SLIT3: variants seen among roughly 807,000 people sequenced by gnomAD.
The protein encoded by SLIT3 is slit guidance ligand 3, also known as slit homolog 3 protein.
Under a neutral mutation model 184.0 loss-of-function variants are expected in SLIT3, and 68 were observed. The ratio of observed to expected loss-of-function variants is 0.37; its 90% CI spans 0.30 to 0.45. SLIT3 has a LOEUF of 0.45. SLIT3 is among the 20% of genes least tolerant of loss of function. The pLI, the probability that SLIT3 is intolerant of heterozygous loss-of-function variation, is 1.00. For synonymous variants in SLIT3, 831 were observed against 828.6 expected, an observed-to-expected ratio of 1.00 and a Z score of -0.05; for missense variants, 1,707 against 2,026.0, an observed-to-expected ratio of 0.84 and a Z score of 3.02.
intron 3 of SLIT3, among the ~76,000 whole-genome samples, chr5:169,230,995 C>A (rs1452119797): frequency 2.0e-5 from 3 of 152,074 alleles, no homozygotes; most frequent in Non-Finnish European, 2.9e-5. Flanking sequence ...ATTTACTGAA[C>A]CATTTTAAAG....
intron 1 of SLIT3, among the ~76,000 whole-genome samples, chr5:169,284,900 C>T (rs1280038319): frequency 6.6e-6 from 1 of 151,956 alleles, no homozygotes; most frequent in Non-Finnish European, 1.5e-5. Context: ...TCAAAGGGCA[C>T]ATTTTGAACA....
chr5:169,067,439 A>C (rs1273391541), intron 4 of SLIT3, among the ~76,000 whole-genome samples: 2 of 152,134 alleles, frequency 1.3e-5, no homozygotes, highest in Non-Finnish European at 2.9e-5. Flanking sequence ...AAAAGAATGA[A>C]GAATAATTAC....
chr5:168,788,950 C>T (rs545366461), intron 11 of SLIT3, among the ~76,000 whole-genome samples: 9 of 152,132 alleles, frequency 5.9e-5, no homozygotes, highest in Non-Finnish European at 1.0e-4. Context: ...CTATGCCACA[C>T]ATGAGTGACT....
At chr5:168,744,565 C>A (rs1380653683) in intron 20 of SLIT3, among the ~76,000 whole-genome samples, 3 of 152,172 alleles carry the variant, frequency 2.0e-5, no homozygotes, top group Non-Finnish European at 4.4e-5. Context: ...TTAGGGGCCA[C>A]TGCTGATGGT....
In SLIT3 at chr5:169,110,914, TG is replaced by T. The variant is rs371324140; in HGVS notation, c.413+82564del. ...TGGAAACCTTCCAGTGCACATCCAG[TG>T]GGTGAAGACCGAGCTCTGTAACATG... On this transcript the variant is annotated intron_variant, in intron 4 of 35. Transcript: ENST00000519560. Among the ~76,000 whole-genome samples the T allele has an allele frequency of 2.8e-3, 432 of 152,308 alleles. 7 individuals carry two copies. In the South Asian group the frequency reaches 0.029, roughly 10 times the overall value.
chr5:169,122,078 A>G (rs1219898158), intron 4 of SLIT3, among the ~76,000 whole-genome samples: 1 of 152,218 alleles, frequency 6.6e-6, no homozygotes, highest in Non-Finnish European at 1.5e-5. Flanking sequence ...GGAGTTGGCC[A>G]GCTTGGCCCC....
intron 4 of SLIT3, among the ~76,000 whole-genome samples, chr5:169,074,578 C>T (rs987467359): frequency 2.0e-5 from 3 of 152,112 alleles, no homozygotes; most frequent in South Asian, 2.1e-4. Flanking sequence ...AGTAAAAGCT[C>T]GGAGAGGTGA....
rs574239545 is a variant in SLIT3, at chr5:169,016,454, G to A, written c.414-133118C>T. On this transcript the variant is annotated intron_variant, in intron 4 of 35. Transcript: ENST00000519560. The stretch of plus-strand genomic sequence containing the variant: ...TGAACCAGAAAGCCTTCCTAGGAAT[G>A]GGGATATAATATGCAAGTTTATAAA... Among the ~76,000 whole-genome samples, 147 of 152,276 alleles carry A rather than the reference G, an allele frequency of 9.7e-4. 1 individual carries two copies. Among genetic ancestry groups the A allele is most frequent in the Non-Finnish European group, 1.5e-3 (104 of 68,020 alleles).
intron 3 of SLIT3, among the ~76,000 whole-genome samples, chr5:169,213,104 T>A (rs905066746): frequency 1.3e-5 from 2 of 152,114 alleles, no homozygotes; most frequent in Non-Finnish European, 2.9e-5. Context: ...CTGAAGCAAC[T>A]TCAGTAAAGT....
intron 1 of SLIT3, among the ~76,000 whole-genome samples, chr5:169,275,462 C>T (rs545783497): frequency 6.6e-5 from 10 of 152,138 alleles, no homozygotes; most frequent in African/African-American, 9.7e-5. Context: ...GTCCTGATGT[C>T]GCTGTGTCAC....
At chr5:169,036,549 C>T (rs987010449) in intron 4 of SLIT3, 3 of 152,300 alleles carry the variant, frequency 2.0e-5, no homozygotes, top group East Asian at 3.9e-4. Flanking sequence ...AAACGCACAG[C>T]ATTTAATTTC....
intron 9 of SLIT3, among the ~76,000 whole-genome samples, chr5:168,801,735 C>T (rs905520133): frequency 5.3e-5 from 8 of 151,902 alleles, no homozygotes; most frequent in Non-Finnish European, 8.8e-5. Context: ...TTCAGAGAAC[C>T]GACAGGGTGC....
intron 5 of SLIT3, among the ~76,000 whole-genome samples, chr5:168,879,117 G>A (rs772222931): frequency 4.6e-5 from 7 of 152,168 alleles, no homozygotes; most frequent in Admixed American, 2.0e-4. Flanking sequence ...TATTTTCTCC[G>A]TGTAGTAAAG....
At chr5:168,841,750 ACTT>A (rs1386504793) in intron 6 of SLIT3, among the ~76,000 whole-genome samples, 1 of 152,200 alleles carries the variant, frequency 6.6e-6, no homozygotes, top group African/African-American at 2.4e-5. Context: ...CATGCGAAAT[ACTT>A]CTACTTGCAG....
chr5:168,714,599 A>C (rs1314059748), intron 23 of SLIT3, among the ~76,000 whole-genome samples: 2 of 152,092 alleles, frequency 1.3e-5, no homozygotes, highest in African/African-American at 2.4e-5. Flanking sequence ...AACAAACAAA[A>C]AAACCCTGCA....
chr5:168,748,535 C>T, intron 19 of SLIT3, 101 bp from the exon 20 acceptor site: 1 of 1,189,784 alleles, frequency 8.4e-7, no homozygotes, highest in East Asian at 3.0e-5. Flanking sequence ...CAAGTTGTCC[C>T]CTGTCCCCGC....
At chr5:169,022,787 T>A (rs1185718296) in intron 4 of SLIT3, 1 of 152,052 alleles carries the variant, frequency 6.6e-6, no homozygotes, top group East Asian at 1.9e-4. Flanking sequence ...GTCCAGTGTG[T>A]GCCCTGACAT....
chr5:169,019,281 A>C lies in SLIT3; in HGVS notation c.414-135945T>G, dbSNP rs116712217. 3.3e-3 allele frequency among the ~76,000 whole-genome samples: 505 copies of C among 152,340 alleles called. 1 individual carries two copies. The highest frequency in any genetic ancestry group is 0.011 in the African/African-American group (463 of 41,590). ...AGCAAGTGATGGAATGCCTGAAAGA[A>C]GCCAAACTGCCTTCCGGGTCACAGC... On this transcript the variant is annotated intron_variant, in intron 4 of 35. Coordinates refer to ENST00000519560, the MANE Select transcript of SLIT3 (RefSeq NM_003062.4).
At chr5:168,748,510 T>C in intron 19 of SLIT3, 76 bp from the exon 20 acceptor site, 1 of 1,397,226 alleles carries the variant, frequency 7.2e-7, no homozygotes, top group Non-Finnish European at 9.4e-7. Context: ...CAAGGCTGCG[T>C]GTTCTCCACA....
Sources: allele counts gnomAD v4.1 joint callset (sites outside exome capture counted in the v4.1 genomes callset), GRCh38; gene constraint gnomAD v4.1.1; transcripts MANE v1.5; gene names NCBI Gene and HGNC (gene_info 2026-07-23, HGNC 2026-07-21).